PLK5: variants seen among roughly 807,000 people sequenced by gnomAD.
The protein encoded by PLK5 is inactive serine/threonine-protein kinase PLK5.
A neutral mutation model predicts 33.7 loss-of-function variants in PLK5; 28 were observed. The ratio of observed to expected loss-of-function variants is 0.83; its 90% CI spans 0.62 to 1.14. The LOEUF is 1.14. Among genes scored for constraint, PLK5 ranks in the 50% most tolerant of loss-of-function variants. PLK5 has a pLI of 0.00. For synonymous variants in PLK5, 225 were observed against 202.2 expected (o/e 1.11, Z -0.96); for missense variants, 492 against 461.5 (o/e 1.07, Z -0.61).
chr19:1,533,604 G>A, intron 12 of PLK5: 2 of 524,132 alleles, frequency 3.8e-6, no homozygotes, highest in Non-Finnish European at 6.8e-6. Context: ...TATGGATAAG[G>A]TGTAACTAGG....
At chr19:1,527,899 C>G (rs779701741) in intron 6 of PLK5, 37 bp from the exon 7 acceptor site, 2 of 1,517,936 alleles carry the variant, frequency 1.3e-6, no homozygotes, top group Non-Finnish European at 1.8e-6. Context: ...CTGAGCGATG[C>G]CTGGACACCC....
rs1913687186 is a variant in PLK5 at position 1,524,717 on chromosome 19, T to C, written c.-544+471T>C. 6.6e-6 allele frequency among the ~76,000 whole-genome samples: 1 copy of C among 151,626 alleles called. No individual in the cohort carries two copies. The highest frequency in any genetic ancestry group is 1.5e-5 in the Non-Finnish European group (1 of 67,912). ...CATTGTGTTGTGTGTCTGGGTGTTG[T>C]GTGTTCATGTGGTGTGCTTGTGTGT... On this transcript the variant is annotated intron_variant, in intron 1 of 13. Transcript: ENST00000454744. This position sits in a 1 kb window ranked among gnomAD's most constrained non-coding sequence, Gnocchi z 4.5.
At chr19:1,526,818 C>A (rs1421538911) in intron 5 of PLK5, 27 bp downstream of exon 5, 3 of 754,996 alleles carry the variant, frequency 4.0e-6, no homozygotes, top group Non-Finnish European at 6.6e-6. Flanking sequence ...GGGCTCTGAG[C>A]AGTCCGTCCG....
At chr19:1,533,194 C>T (rs1262077979) in intron 12 of PLK5, among the ~76,000 whole-genome samples, 2 of 151,904 alleles carry the variant, frequency 1.3e-5, no homozygotes, top group Non-Finnish European at 2.9e-5. Flanking sequence ...CTCGGCTCAG[C>T]GCAACCTCCC....
intron 12 of PLK5, 86 bp from the exon 13 acceptor site, chr19:1,533,845 G>T (rs569246855): frequency 1.8e-6 from 2 of 1,107,470 alleles, no homozygotes; most frequent in African/African-American, 3.1e-5. Flanking sequence ...GGCGGCTGCG[G>T]GAGGTGAGAG....
intron 11 of PLK5, among the ~76,000 whole-genome samples, 167 bp downstream of exon 11, chr19:1,529,991 G>A (rs1187274513): frequency 6.6e-6 from 1 of 152,116 alleles, no homozygotes; most frequent in Non-Finnish European, 1.5e-5. Context: ...CCTCCTGTGT[G>A]CAGAGCCTGG....
Position 1,535,297 on chromosome 19 carries a change from C to T in PLK5, c.*47C>T. Reference sequence around the variant, plus strand: ...ACCCCTGCATGGTAGTGCCAGGGACCCAGGCTCCATTTCCATTCCTGTGGC... The same window carrying T: ...ACCCCTGCATGGTAGTGCCAGGGACTCAGGCTCCATTTCCATTCCTGTGGC... On this transcript the variant is annotated 3_prime_UTR_variant, in exon 14 of 14. Coordinates refer to ENST00000454744, the MANE Select transcript of PLK5 (RefSeq NM_001243079.2). The T allele has an allele frequency of 1.4e-5, 21 of 1,491,562 alleles. No homozygotes were observed. Among genetic ancestry groups the T allele is most frequent in the Non-Finnish European group, 1.9e-5 (21 of 1,123,654 alleles). 92.4% of individuals were successfully genotyped at this position (1,491,562 alleles called of 1,614,324 possible). A position where few individuals can be genotyped will look rare whatever the true frequency, so the allele number is the denominator to read the frequency against.
chr19:1,534,155 GAAAA>G (rs34242824), intron 13 of PLK5, 114 bp downstream of exon 13: 807 of 525,990 alleles, frequency 1.5e-3, no homozygotes, highest in South Asian at 3.5e-3. Flanking sequence ...TGCCTCCCAG[GAAAA>G]AAAAAAAAAA....
intron 13 of PLK5, among the ~76,000 whole-genome samples, 183 bp from the exon 14 acceptor site, chr19:1,534,882 G>A (rs1053610894): frequency 3.0e-4 from 45 of 152,132 alleles, no homozygotes; most frequent in African/African-American, 9.9e-4. Flanking sequence ...CTGAGCCTCA[G>A]TTTCCCCAGG....
At position 1,535,060 on chromosome 19, in the gene PLK5, T is replaced by C. The variant is rs908699640; in HGVS notation, c.826-5T>C. On this transcript the variant is annotated splice_polypyrimidine_tract_variant and splice_region_variant and intron_variant, in intron 13 of 13. Transcript: ENST00000454744. ...TCCCCTTGACTGGTATCTTACCCTT[T>C]GCAGGTGAGCTTCAGTGGAGTCCCG... The C allele has an allele frequency of 1.3e-6, 2 of 1,523,208 alleles. No individual in the cohort carries two copies. The highest frequency in any genetic ancestry group is 1.8e-6 in the Non-Finnish European group (2 of 1,141,124). The allele number at this position is 1,523,208 out of a possible 1,614,324, so 94.4% of individuals were successfully genotyped here. A position where few individuals can be genotyped will look rare whatever the true frequency, so the allele number is the denominator to read the frequency against.
chr19:1,535,408 C>G lies in PLK5; in HGVS notation c.*158C>G, dbSNP rs1042687016. 2.8e-6 allele frequency: 2 copies of G among 720,646 alleles called. No homozygotes were observed. The highest frequency in any genetic ancestry group is 4.2e-6 in the Non-Finnish European group (2 of 471,462). 44.6% of individuals were successfully genotyped at this position (720,646 alleles called of 1,614,324 possible). On this transcript the variant is annotated 3_prime_UTR_variant, in exon 14 of 14. Coordinates refer to ENST00000454744, the MANE Select transcript of PLK5 (RefSeq NM_001243079.2). ...TTGTGGCATGACTGTTCAACCCAGACTTTGCTGGGATCTCTTCCTTTTTCA... is the reference window on the plus strand; with the variant it reads ...TTGTGGCATGACTGTTCAACCCAGAGTTTGCTGGGATCTCTTCCTTTTTCA...
At chr19:1,534,493 C>T (rs1298364955) in intron 13 of PLK5, among the ~76,000 whole-genome samples, 13 of 116,192 alleles carry the variant, frequency 1.1e-4, no homozygotes, top group Admixed American at 4.2e-4. Flanking sequence ...GGCGACAGAG[C>T]AAGACTTCGT....
At chr19:1,528,814 G>C in intron 8 of PLK5, 84 bp from the exon 9 acceptor site, 3 of 1,042,188 alleles carry the variant, frequency 2.9e-6, no homozygotes, top group Middle Eastern at 6.0e-4. Flanking sequence ...TCCACATCAG[G>C]GGTGGGTGTG....
At position 1,535,373 on chromosome 19, in the gene PLK5, G is replaced by C; in HGVS notation, c.*123G>C. 6 of 1,093,402 alleles carry C rather than the reference G, an allele frequency of 5.5e-6. No homozygotes were observed. The highest frequency in any genetic ancestry group is 1.6e-5 in the African/African-American group (1 of 60,818). 67.7% of individuals were successfully genotyped at this position (1,093,402 alleles called of 1,614,324 possible). A position where few individuals can be genotyped will look rare whatever the true frequency, so the allele number is the denominator to read the frequency against. ...AGGGCTGGGGGGCACACGGGAGGTG[G>C]GTTCTTGCCTTGTGGCATGACTGTT... On this transcript the variant is annotated 3_prime_UTR_variant, in exon 14 of 14. Transcript: ENST00000454744.
chr19:1,530,610 T>A (rs1249023354), intron 11 of PLK5, among the ~76,000 whole-genome samples: 1 of 101,386 alleles, frequency 9.9e-6, no homozygotes, highest in African/African-American at 5.9e-5. Context: ...GCGCATTTTT[T>A]TTTTTTTTTT....
chr19:1,527,031 C>A, intron 6 of PLK5, 33 bp downstream of exon 6: 2 of 1,480,026 alleles, frequency 1.4e-6, no homozygotes, highest in Non-Finnish European at 1.8e-6. Context: ...TGGGCAGGGC[C>A]TCCGGGGGGG....
At position 1,524,743 on chromosome 19, in the gene PLK5, TTG is replaced by T. The variant is rs1400999136; in HGVS notation, c.-544+503_-544+504del. 1.3e-5 allele frequency among the ~76,000 whole-genome samples: 2 copies of T among 150,762 alleles called. No homozygotes were observed. Among genetic ancestry groups the T allele is most frequent in the African/African-American group, 2.5e-5 (1 of 40,704 alleles). ...GTGTTCATGTGGTGTGCTTGTGTGT[TTG>T]TGTGTTCATATGTGGTGTGTCTAGG... is the stretch of plus-strand genomic sequence containing the variant. On this transcript the variant is annotated intron_variant, in intron 1 of 13. Transcript: ENST00000454744. This position sits in a 1 kb window ranked among gnomAD's most constrained non-coding sequence, Gnocchi z 4.5.
rs1191121886 is a variant in PLK5, at chr19:1,524,077, AGAGCGGCCCCG to A, written c.-704_-694del. On this transcript the variant is annotated 5_prime_UTR_variant, in exon 1 of 14. Coordinates refer to ENST00000454744, the MANE Select transcript of PLK5 (RefSeq NM_001243079.2). The surrounding 1 kb of genome is among the most constrained non-coding windows in gnomAD (Gnocchi z 4.5). The stretch of plus-strand genomic sequence containing the variant: ...GCTCCCCGGCGGCTCCTGCGCCCTC[AGAGCGGCCCCG>A]GAGCGGCCGCAGCGCGGTGGTCTCG... The A allele has an allele frequency of 3.3e-5, 5 of 151,188 alleles. No individual in the cohort carries two copies. The highest frequency in any genetic ancestry group is 2.1e-4 in the South Asian group (1 of 4,836). 9.4% of individuals were successfully genotyped at this position (151,188 alleles called of 1,614,324 possible).
chr19:1,527,092 C>G, intron 6 of PLK5, 94 bp downstream of exon 6: 1 of 1,310,508 alleles, frequency 7.6e-7, no homozygotes. Flanking sequence ...GACCGTTGTG[C>G]AGGGTGGGGC....
Sources: gnomAD v4.1 joint callset for allele counts (sites outside exome capture counted in the v4.1 genomes callset) on GRCh38, gnomAD v4.1.1 for gene constraint, Gnocchi (gnomAD v3.1) non-coding constraint, MANE v1.5 for transcripts, NCBI Gene and HGNC (gene_info 2026-07-23, HGNC 2026-07-21) for gene names.